SPAG6: variants seen among roughly 807,000 people sequenced by gnomAD.
SPAG6 encodes sperm-associated antigen 6.
SPAG6 carries 49 observed loss-of-function variants against 58.5 expected under a neutral mutation model. The ratio of observed to expected loss-of-function variants is 0.84; its 90% CI spans 0.67 to 1.06. The LOEUF is 1.06. Among genes scored for constraint, SPAG6 ranks in the 50% least tolerant of loss-of-function variants. The pLI, the probability that SPAG6 is intolerant of heterozygous loss-of-function variation, is 0.00. For synonymous variants in SPAG6, 233 were observed against 225.6 expected (o/e 1.03, Z -0.29); for missense variants, 560 against 611.3 (o/e 0.92, Z 0.89).
chr10:22,395,307 C>T (rs541346043), intron 8 of SPAG6, among the ~76,000 whole-genome samples: 3 of 152,258 alleles, frequency 2.0e-5, no homozygotes, highest in African/African-American at 7.2e-5. Flanking sequence ...TGTTTAACAT[C>T]TCGAGAAACT....
intron 2 of SPAG6, among the ~76,000 whole-genome samples, chr10:22,349,981 T>C (rs1470565068): frequency 6.6e-6 from 1 of 152,170 alleles, no homozygotes; most frequent in Non-Finnish European, 1.5e-5. Flanking sequence ...ATTTAAGACA[T>C]ACCTTGATAT....
At chr10:22,387,050 TAATTAGCA>T in intron 5 of SPAG6, 91 bp downstream of exon 5, 1 of 956,926 alleles carries the variant, frequency 1.0e-6, no homozygotes, top group Non-Finnish European at 1.6e-6. Flanking sequence ...CATCTAAAAA[TAATTAGCA>T]AATTATCATT....
chr10:22,410,896 A>G (rs1178085300), intron 9 of SPAG6, 135 bp from the exon 10 acceptor site: 4 of 782,020 alleles, frequency 5.1e-6, no homozygotes, highest in Non-Finnish European at 5.8e-6. Context: ...TTAGCAGCAG[A>G]TTTGGCTCAT....
chr10:22,355,434 C>T (rs1210806511), intron 2 of SPAG6, among the ~76,000 whole-genome samples: 1 of 152,294 alleles, frequency 6.6e-6, no homozygotes, highest in East Asian at 1.9e-4. Flanking sequence ...TAGTCCTTTA[C>T]TCACAAACAA....
At position 22,345,596 on chromosome 10, in the gene SPAG6, C is replaced by A; in HGVS notation, c.-16C>A. On this transcript the variant is annotated 5_prime_UTR_variant, in exon 1 of 11. Transcript: ENST00000376624. The surrounding 1 kb of genome is among the most constrained non-coding windows in gnomAD (Gnocchi z 6.3). ...CCCCGCAGAGCTCGAGGAGGGCAGA[C>A]GGCGGCGGGGGCGCCATGAGTCAGA... 6.5e-7 allele frequency: 1 copy of A among 1,528,418 alleles called. No homozygotes were observed. Among genetic ancestry groups the A allele is most frequent in the Non-Finnish European group, 8.8e-7 (1 of 1,139,002 alleles). 94.7% of individuals were successfully genotyped at this position (1,528,418 alleles called of 1,614,324 possible). A position where few individuals can be genotyped will look rare whatever the true frequency, so the allele number is the denominator to read the frequency against.
chr10:22,369,288 T>C (rs887085604), intron 4 of SPAG6, among the ~76,000 whole-genome samples: 2 of 152,178 alleles, frequency 1.3e-5, no homozygotes, highest in African/African-American at 4.8e-5. Flanking sequence ...CCTGGGCCTC[T>C]TGTGAGAGGA....
intron 4 of SPAG6, among the ~76,000 whole-genome samples, chr10:22,386,341 C>G (rs1402998076): frequency 6.6e-6 from 1 of 152,064 alleles, no homozygotes; most frequent in African/African-American, 2.4e-5. Context: ...GTAAATAGCA[C>G]AAAATACTGC....
At chr10:22,383,731 A>T (rs757690390) in intron 4 of SPAG6, among the ~76,000 whole-genome samples, 1 of 152,226 alleles carries the variant, frequency 6.6e-6, no homozygotes, top group Non-Finnish European at 1.5e-5. Flanking sequence ...ACTTCTGTAT[A>T]CATTTTCCCT....
At chr10:22,407,195 G>T (rs1197220958) in intron 9 of SPAG6, among the ~76,000 whole-genome samples, 6 of 150,472 alleles carry the variant, frequency 4.0e-5, no homozygotes, top group African/African-American at 1.2e-4. Context: ...GTTAGCTGGT[G>T]ATTTTGCTCG....
intron 9 of SPAG6, among the ~76,000 whole-genome samples, chr10:22,406,966 C>T (rs1834573776): frequency 6.6e-6 from 1 of 151,872 alleles, no homozygotes; most frequent in Admixed American, 6.6e-5. Context: ...CAACCCCTAC[C>T]TTTTTTTGTT....
chr10:22,388,062 A>C, intron 6 of SPAG6, 66 bp downstream of exon 6: 1 of 1,310,770 alleles, frequency 7.6e-7, no homozygotes, highest in Non-Finnish European at 1.0e-6. Flanking sequence ...TAAAACATCA[A>C]TTTGTTTATA....
intron 7 of SPAG6, among the ~76,000 whole-genome samples, chr10:22,389,517 A>C (rs1017929501): frequency 2.6e-5 from 4 of 152,228 alleles, no homozygotes; most frequent in Non-Finnish European, 4.4e-5. Context: ...GTTTCTCATC[A>C]ACAGGATATC....
chr10:22,415,454 G>C (rs1174264716), intron 10 of SPAG6, among the ~76,000 whole-genome samples: 1 of 152,092 alleles, frequency 6.6e-6, no homozygotes, highest in Non-Finnish European at 1.5e-5. Flanking sequence ...CTCAGTGTAA[G>C]AATACTTCGA....
chr10:22,376,548 A>G lies in SPAG6; in HGVS notation c.472+7870A>G, dbSNP rs188362861. On this transcript the variant is annotated intron_variant, in intron 4 of 10. Coordinates refer to ENST00000376624, the MANE Select transcript of SPAG6 (RefSeq NM_012443.4). ...CTAGTAATTCTGTGGTCTTAAAAAG[A>G]CATGTGTTATTTTTGTTTATACATA... is the stretch of plus-strand genomic sequence containing the variant. Among the ~76,000 whole-genome samples the G allele has an allele frequency of 9.2e-5, 14 of 152,252 alleles. No individual in the cohort carries two copies. The East Asian group carries it at 2.3e-3, about 25-fold the overall frequency.
chr10:22,405,271 G>T (rs1588560363), intron 9 of SPAG6, among the ~76,000 whole-genome samples: 1 of 151,532 alleles, frequency 6.6e-6, no homozygotes, highest in East Asian at 1.9e-4. Context: ...TTGGCTGTGG[G>T]TTTGTCATAG....
intron 2 of SPAG6, among the ~76,000 whole-genome samples, chr10:22,360,563 T>C (rs1386274249): frequency 6.6e-6 from 1 of 152,110 alleles, no homozygotes; most frequent in African/African-American, 2.4e-5. Flanking sequence ...GGGAGCATTG[T>C]ATAGATTTAT....
Position 22,345,816 on chromosome 10 carries a change from C to T in SPAG6, c.119C>T (p.Ala40Val), listed in dbSNP as rs866463670. ...RPQNIETLQN[A>V]GVMSLLRTLL... Reference sequence around the variant, plus strand: ...CAAAACATCGAGACGCTGCAGAACGCGGGTGAGCCCGGAGCCCGAACCCCC... The same window carrying T: ...CAAAACATCGAGACGCTGCAGAACGTGGGTGAGCCCGGAGCCCGAACCCCC... Residue 40 changes from alanine to valine, a missense_variant and splice_region_variant, in exon 2 of 11, where the codon GCG becomes GTG. Ala to Val is a moderately conservative substitution (Grantham distance 64). Transcript: ENST00000376624. This position sits in a 1 kb window ranked among gnomAD's most constrained non-coding sequence, Gnocchi z 6.3. 3 of 1,612,498 alleles carry T rather than the reference C, an allele frequency of 1.9e-6. No homozygotes were observed. The highest frequency in any genetic ancestry group is 1.7e-4 in the Middle Eastern group (1 of 6,058).
In SPAG6 at chr10:22,345,603, G is replaced by A. The variant is rs1325942014; in HGVS notation, c.-9G>A. On this transcript the variant is annotated 5_prime_UTR_variant, in exon 1 of 11. Coordinates refer to ENST00000376624, the MANE Select transcript of SPAG6 (RefSeq NM_012443.4). The surrounding 1 kb of genome is among the most constrained non-coding windows in gnomAD (Gnocchi z 6.3). ...GAGCTCGAGGAGGGCAGACGGCGGC[G>A]GGGGCGCCATGAGTCAGAGGCAGGT... 6.5e-7 allele frequency: 1 copy of A among 1,528,862 alleles called. No individual in the cohort carries two copies. The highest frequency in any genetic ancestry group is 2.2e-5 in the Admixed American group (1 of 45,162). The allele number at this position is 1,528,862 out of a possible 1,614,324, so 94.7% of individuals were successfully genotyped here.
chr10:22,349,093 C>T (rs924901982), intron 2 of SPAG6, among the ~76,000 whole-genome samples: 3 of 152,192 alleles, frequency 2.0e-5, no homozygotes, highest in African/African-American at 4.8e-5. Flanking sequence ...AAAGGATCCA[C>T]CCGCCTCAGC....
Sources: gnomAD v4.1 joint callset for allele counts (sites outside exome capture counted in the v4.1 genomes callset) on GRCh38, gnomAD v4.1.1 for gene constraint, Gnocchi (gnomAD v3.1) non-coding constraint, MANE v1.5 for transcripts, NCBI Gene and HGNC (gene_info 2026-07-23, HGNC 2026-07-21) for gene names.